Variants in KIAA1328 observed in about 807,000 individuals in gnomAD.
KIAA1328 encodes protein hinderin.
A neutral mutation model predicts 68.1 loss-of-function variants in KIAA1328; 52 were observed. That is an observed-to-expected ratio of 0.76 (90% CI 0.61 to 0.96). The LOEUF (loss-of-function observed/expected upper bound fraction) is 0.96. Ranked by LOEUF, KIAA1328 falls within the 40% of genes least tolerant of loss-of-function variation. The probability of loss-of-function intolerance (pLI) is 0.00; values close to 1 mark genes in which losing one functional copy is unlikely to be tolerated. For missense variants in KIAA1328, 641 were observed against 677.6 expected, an observed-to-expected ratio of 0.95 and a Z score of 0.60; for synonymous variants, 232 against 239.4, an observed-to-expected ratio of 0.97 and a Z score of 0.28.
intron 7 of KIAA1328, among the ~76,000 whole-genome samples, chr18:37,113,831 A>G (rs1387862910): frequency 6.6e-6 from 1 of 152,190 alleles, no homozygotes; most frequent in African/African-American, 2.4e-5. Context: ...AAGCAAATGG[A>G]AAACAAAAAA....
At chr18:37,065,409 A>G (rs2056307057) in intron 6 of KIAA1328, among the ~76,000 whole-genome samples, 1 of 152,232 alleles carries the variant, frequency 6.6e-6, no homozygotes, top group African/African-American at 2.4e-5. Flanking sequence ...TAGGCCTTGG[A>G]AAACAAGGCC....
chr18:37,070,680 C>T (rs969137693), intron 7 of KIAA1328, among the ~76,000 whole-genome samples: 5 of 151,730 alleles, frequency 3.3e-5, no homozygotes, highest in East Asian at 3.9e-4. Context: ...AAGCAATTCT[C>T]CTGCCTCAGC....
intron 5 of KIAA1328, among the ~76,000 whole-genome samples, chr18:36,955,655 A>G (rs948274580): frequency 3.3e-5 from 5 of 152,070 alleles, no homozygotes; most frequent in Admixed American, 6.5e-5. Context: ...GTCTTTGAAC[A>G]CTTTCTTGCA....
chr18:37,160,883 T>C lies in KIAA1328; in HGVS notation c.1414+502T>C, dbSNP rs1266447869. 7.9e-5 allele frequency among the ~76,000 whole-genome samples: 12 copies of C among 152,318 alleles called. No individual in the cohort carries two copies. The East Asian group carries it at 2.3e-3, about 29-fold the overall frequency. On this transcript the variant is annotated intron_variant, in intron 8 of 9. Transcript: ENST00000280020. ...TAAGTGTCAATAATACTTCCTGTTA[T>C]ATGTGGTAGACTTTAAAGAAATCAA... is the stretch of plus-strand genomic sequence containing the variant.
chr18:37,179,966 G>A (rs868207354), intron 9 of KIAA1328, among the ~76,000 whole-genome samples: 2 of 151,540 alleles, frequency 1.3e-5, no homozygotes, highest in African/African-American at 4.8e-5. Context: ...AGAAGGGAAA[G>A]TCACATAAAT....
At chr18:37,100,771 A>G (rs2057587096) in intron 7 of KIAA1328, among the ~76,000 whole-genome samples, 1 of 152,190 alleles carries the variant, frequency 6.6e-6, no homozygotes, top group Non-Finnish European at 1.5e-5. Flanking sequence ...GGCACCCCCC[A>G]GTAGGGGCAG....
At chr18:37,139,859 C>T (rs1229993718) in intron 7 of KIAA1328, among the ~76,000 whole-genome samples, 4 of 152,016 alleles carry the variant, frequency 2.6e-5, no homozygotes, top group African/African-American at 7.3e-5. Flanking sequence ...AACATGAGTC[C>T]CAGTAGCATT....
intron 4 of KIAA1328, among the ~76,000 whole-genome samples, chr18:36,879,932 G>T (rs912967349): frequency 1.3e-5 from 2 of 152,180 alleles, no homozygotes; most frequent in African/African-American, 2.4e-5. Context: ...CTGGCAGCGA[G>T]AATTTCAAGC....
chr18:36,967,335 T>G (rs2051982648), intron 6 of KIAA1328, among the ~76,000 whole-genome samples: 1 of 152,174 alleles, frequency 6.6e-6, no homozygotes, highest in African/African-American at 2.4e-5. Context: ...CACAAGGAGC[T>G]ATATTCTGTC....
At chr18:36,965,196 C>CT (rs1168484475) in intron 6 of KIAA1328, among the ~76,000 whole-genome samples, 1 of 151,962 alleles carries the variant, frequency 6.6e-6, no homozygotes, top group Non-Finnish European at 1.5e-5. Context: ...AAAATAATTA[C>CT]TTTTTAGCCA....
intron 6 of KIAA1328, among the ~76,000 whole-genome samples, chr18:36,974,416 G>A (rs1307125753): frequency 6.6e-6 from 1 of 152,098 alleles, no homozygotes; most frequent in African/African-American, 2.4e-5. Flanking sequence ...TTCAGTTTCT[G>A]AGTTGTTTCA....
Position 37,010,858 on chromosome 18 carries a change from A to G in KIAA1328, c.576+51423A>G, listed in dbSNP as rs1455638246. 4.6e-5 allele frequency among the ~76,000 whole-genome samples: 7 copies of G among 152,222 alleles called. No homozygotes were observed. In the East Asian group the frequency reaches 1.3e-3, roughly 29 times the overall value. ...GTCTGATTTAAGAGGATAGAGGTGT[A>G]TATAGCAATAATTGACAGAAACAAA... On this transcript the variant is annotated intron_variant, in intron 6 of 9. Transcript: ENST00000280020.
intron 6 of KIAA1328, chr18:37,063,685 G>A (rs750945248): frequency 2.0e-6 from 2 of 985,140 alleles, no homozygotes; most frequent in Non-Finnish European, 2.4e-6. Flanking sequence ...AAATCATTAA[G>A]CTGTACTACC....
chr18:36,877,648 T>C (rs1294427754), intron 4 of KIAA1328, among the ~76,000 whole-genome samples: 1 of 150,726 alleles, frequency 6.6e-6, no homozygotes, highest in Non-Finnish European at 1.5e-5. Context: ...CTTTATCCAA[T>C]TTGCCAGTCT....
intron 7 of KIAA1328, among the ~76,000 whole-genome samples, chr18:37,154,358 AG>A (rs1008011478): frequency 2.0e-5 from 3 of 152,192 alleles, no homozygotes; most frequent in Admixed American, 6.5e-5. Flanking sequence ...CTTCTATTAG[AG>A]GCCATTCTTT....
intron 7 of KIAA1328, among the ~76,000 whole-genome samples, chr18:37,083,575 T>C (rs1286852151): frequency 2.0e-5 from 3 of 152,186 alleles, no homozygotes; most frequent in Admixed American, 2.0e-4. Flanking sequence ...CCTCAGTACA[T>C]GTCAGTGTAG....
chr18:36,913,717 A>T (rs888242672), intron 5 of KIAA1328, among the ~76,000 whole-genome samples: 3 of 152,180 alleles, frequency 2.0e-5, no homozygotes, highest in Non-Finnish European at 4.4e-5. Flanking sequence ...ACCTCTGTGA[A>T]TATGCACATA....
At chr18:36,972,644 C>G (rs1425057588) in intron 6 of KIAA1328, among the ~76,000 whole-genome samples, 1 of 152,100 alleles carries the variant, frequency 6.6e-6, no homozygotes. Context: ...AGTTAACTTA[C>G]ATAAAAAAGA....
intron 9 of KIAA1328, among the ~76,000 whole-genome samples, chr18:37,195,342 G>T (rs1197613028): frequency 6.6e-6 from 1 of 151,922 alleles, no homozygotes; most frequent in Non-Finnish European, 1.5e-5. Flanking sequence ...GTCTATTTTT[G>T]CTTTTATTGC....
Sources: allele counts gnomAD v4.1 joint callset (sites outside exome capture counted in the v4.1 genomes callset), GRCh38; gene constraint gnomAD v4.1.1; transcripts MANE v1.5; gene names NCBI Gene and HGNC (gene_info 2026-07-23, HGNC 2026-07-21).